Variants in HRH2 observed in about 807,000 individuals in gnomAD.
HRH2 encodes histamine H2 receptor.
In HRH2, 4 loss-of-function variants were observed where a neutral mutation model predicts 20.1. That is an observed-to-expected ratio of 0.20 (90% CI 0.10 to 0.45). The LOEUF is 0.45. Among genes scored for constraint, HRH2 ranks in the 20% least tolerant of loss-of-function variants. The pLI, the probability that HRH2 is intolerant of heterozygous loss-of-function variation, is 0.99. For synonymous variants in HRH2, 197 were observed against 200.7 expected, an observed-to-expected ratio of 0.98 and a Z score of 0.16; for missense variants, 250 against 461.6, an observed-to-expected ratio of 0.54 and a Z score of 4.20.
Position 175,687,493 on chromosome 5 carries a change from G to T in HRH2, c.1076+3184G>T, listed in dbSNP as rs1756212899. Among the ~76,000 whole-genome samples, 1 of 152,168 alleles carries T rather than the reference G, an allele frequency of 6.6e-6. No homozygotes were observed. The highest frequency in any genetic ancestry group is 2.4e-5 in the African/African-American group (1 of 41,424). On this transcript the variant is annotated intron_variant, in intron 2 of 2. Coordinates refer to ENST00000636584, the MANE Select transcript of HRH2 (RefSeq NM_001367711.1). This position sits in a 1 kb window ranked among gnomAD's most constrained non-coding sequence, Gnocchi z 5.2. ...AGAAGATAGAGTGGCCAAGCTGGCT[G>T]GTCCTCCCTTCCCTGTGGCCAACCA...
At chr5:175,694,008 G>A (rs566665362) in intron 2 of HRH2, among the ~76,000 whole-genome samples, 27 of 152,262 alleles carry the variant, frequency 1.8e-4, no homozygotes, top group African/African-American at 5.1e-4. Flanking sequence ...GACCTGGAGC[G>A]AGTGACTTCC....
chr5:175,691,880 A>G (rs1216433435), intron 2 of HRH2, among the ~76,000 whole-genome samples: 1 of 151,658 alleles, frequency 6.6e-6, no homozygotes, highest in Non-Finnish European at 1.5e-5. Flanking sequence ...AAAAAGAAAA[A>G]AGAGAAAAAA....
chr5:175,694,765 C>T lies in HRH2; in HGVS notation c.1076+10456C>T, dbSNP rs111731860. ...AAGTGGAGCATAGCCTCTGTGCTTT[C>T]AGACCCCCCAAACTCACCTTCCAGT... On this transcript the variant is annotated intron_variant, in intron 2 of 2. Coordinates refer to ENST00000636584, the MANE Select transcript of HRH2 (RefSeq NM_001367711.1). Among the ~76,000 whole-genome samples the T allele has an allele frequency of 5.9e-3, 904 of 152,316 alleles. 7 individuals carry two copies. Among genetic ancestry groups the T allele is most frequent in the South Asian group, 9.7e-3 (47 of 4,824 alleles).
chr5:175,684,713 A>G (rs1047735073), intron 2 of HRH2, among the ~76,000 whole-genome samples: 6 of 152,158 alleles, frequency 3.9e-5, no homozygotes, highest in African/African-American at 1.4e-4. Flanking sequence ...CATGTCACCA[A>G]TGCTGCCACT....
chr5:175,685,914 T>G, intron 2 of HRH2: 1 of 174,866 alleles, frequency 5.7e-6, no homozygotes, highest in Non-Finnish European at 1.2e-5. Context: ...ACCCTACATA[T>G]TCCCTCTGGT....
intron 1 of HRH2, among the ~76,000 whole-genome samples, chr5:175,663,635 C>A (rs1232453718): frequency 6.6e-6 from 1 of 152,206 alleles, no homozygotes; most frequent in Non-Finnish European, 1.5e-5. Flanking sequence ...AGGGCCAGCT[C>A]GTTCCCCACC....
At chr5:175,694,497 C>G (rs1756502206) in intron 2 of HRH2, among the ~76,000 whole-genome samples, 2 of 152,208 alleles carry the variant, frequency 1.3e-5, no homozygotes, top group South Asian at 4.1e-4. Flanking sequence ...CTACATCCCC[C>G]TGCAGGCCTT....
intron 2 of HRH2, among the ~76,000 whole-genome samples, chr5:175,694,980 C>T (rs1321490172): frequency 1.3e-5 from 2 of 152,052 alleles, no homozygotes; most frequent in Non-Finnish European, 1.5e-5. Flanking sequence ...CTCTCTCCAC[C>T]GTTTCTGTTT....
chr5:175,666,404 C>G (rs74448800), intron 1 of HRH2, among the ~76,000 whole-genome samples: 3,958 of 152,210 alleles, frequency 0.026, 196 homozygotes, highest in African/African-American at 0.091. Context: ...GTTGATGTGA[C>G]TCACCCTTGA....
intron 2 of HRH2, chr5:175,685,287 A>C (rs921894207): frequency 3.2e-5 from 27 of 855,298 alleles, no homozygotes; most frequent in Non-Finnish European, 4.6e-5. Context: ...GCTCGCTGTG[A>C]GGAGAGACAG....
intron 2 of HRH2, among the ~76,000 whole-genome samples, chr5:175,697,797 C>T (rs1353485843): frequency 1.3e-5 from 2 of 152,238 alleles, no homozygotes; most frequent in Non-Finnish European, 2.9e-5. Flanking sequence ...CTCATCTCTT[C>T]AGCCCCATAC....
chr5:175,665,988 A>G (rs545207685), intron 1 of HRH2, among the ~76,000 whole-genome samples: 2 of 152,346 alleles, frequency 1.3e-5, no homozygotes, highest in South Asian at 4.1e-4. Context: ...GATTTTACTG[A>G]ACATCCAGAT....
intron 2 of HRH2, among the ~76,000 whole-genome samples, chr5:175,706,411 T>C (rs909032034): frequency 3.3e-5 from 5 of 152,272 alleles, no homozygotes; most frequent in Non-Finnish European, 5.9e-5. Context: ...TTTGTTACTA[T>C]GAACATGCGG....
chr5:175,697,433 A>G (rs1188862574), intron 2 of HRH2, among the ~76,000 whole-genome samples: 2 of 147,060 alleles, frequency 1.4e-5, no homozygotes, highest in Non-Finnish European at 3.0e-5. Flanking sequence ...ACTGCAGTCC[A>G]GCTTGGGCGA....
In HRH2 at chr5:175,687,359, C is replaced by G. The variant is rs371431580; in HGVS notation, c.1076+3050C>G. Among the ~76,000 whole-genome samples, 3 of 152,254 alleles carry G rather than the reference C, an allele frequency of 2.0e-5. No homozygotes were observed. The highest frequency in any genetic ancestry group is 4.1e-4 in the South Asian group (2 of 4,826). On this transcript the variant is annotated intron_variant, in intron 2 of 2. Transcript: ENST00000636584. This position sits in a 1 kb window ranked among gnomAD's most constrained non-coding sequence, Gnocchi z 5.2. ...GGACAAACCCGCACTGACCCAGAGCCGTTATCACTGCCAAGATTGGGCTGT... is the reference window on the plus strand; with the variant it reads ...GGACAAACCCGCACTGACCCAGAGCGGTTATCACTGCCAAGATTGGGCTGT...
chr5:175,697,744 T>C (rs1756651352), intron 2 of HRH2, among the ~76,000 whole-genome samples: 1 of 152,192 alleles, frequency 6.6e-6, no homozygotes, highest in African/African-American at 2.4e-5. Context: ...AATTCCTCAA[T>C]CAAGACCTTC....
chr5:175,701,459 C>T (rs1194460655), intron 2 of HRH2, among the ~76,000 whole-genome samples: 1 of 152,198 alleles, frequency 6.6e-6, no homozygotes, highest in Admixed American at 6.5e-5. Flanking sequence ...CTTTCTCCAA[C>T]TTTCAACTCG....
At chr5:175,660,553 G>C (rs962411814) in intron 1 of HRH2, among the ~76,000 whole-genome samples, 6 of 152,198 alleles carry the variant, frequency 3.9e-5, no homozygotes, top group Non-Finnish European at 8.8e-5. Context: ...ATGGATGGTG[G>C]GGTTGTGGGA....
intron 1 of HRH2, among the ~76,000 whole-genome samples, chr5:175,675,800 C>T (rs377642184): frequency 2.0e-5 from 3 of 152,320 alleles, no homozygotes; most frequent in South Asian, 2.1e-4. Flanking sequence ...TCAAACTCTA[C>T]ATCTATTAGG....
Sources: allele counts gnomAD v4.1 joint callset (sites outside exome capture counted in the v4.1 genomes callset), GRCh38; gene constraint gnomAD v4.1.1; non-coding constraint Gnocchi (gnomAD v3.1); transcripts MANE v1.5; gene names NCBI Gene and HGNC (gene_info 2026-07-23, HGNC 2026-07-21).